CFC1: variants seen among roughly 807,000 people sequenced by gnomAD.
CFC1 encodes the protein cryptic protein.
For synonymous variants in CFC1, 8 were observed against 50.7 expected, an observed-to-expected ratio of 0.16 and a Z score of 3.58; for missense variants, 14 against 120.0, an observed-to-expected ratio of 0.12 and a Z score of 4.13.
chr2:130,598,443 T>C (rs1208592856), intron 3 of CFC1, among the ~76,000 whole-genome samples, 199 bp downstream of exon 3: 1 of 150,714 alleles, frequency 6.6e-6, no homozygotes, highest in African/African-American at 2.5e-5. Context: ...GTTTTACCAA[T>C]GAAAGAGTAA....
intron 5 of CFC1, among the ~76,000 whole-genome samples, chr2:130,594,277 C>T (rs1374990869): frequency 1.3e-5 from 2 of 148,150 alleles, no homozygotes; most frequent in Non-Finnish European, 2.9e-5. Context: ...TGCCAGAATC[C>T]CCAAACAGGA....
At chr2:130,594,445 G>A (rs1285373057) in intron 5 of CFC1, among the ~76,000 whole-genome samples, 1 of 141,364 alleles carries the variant, frequency 7.1e-6, no homozygotes, top group Non-Finnish European at 1.5e-5. Flanking sequence ...GACACAGGGT[G>A]TATGCTTACA....
At chr2:130,595,777 T>C (rs1446148540) in intron 5 of CFC1, among the ~76,000 whole-genome samples, 1 of 150,324 alleles carries the variant, frequency 6.7e-6, no homozygotes, top group African/African-American at 2.5e-5. Context: ...AGGTAAAGAA[T>C]CAGACCCTGT....
chr2:130,595,804 T>C (rs1247079995), intron 5 of CFC1, among the ~76,000 whole-genome samples: 1 of 147,898 alleles, frequency 6.8e-6, no homozygotes. Flanking sequence ...TCTGTAGGAG[T>C]TGATCTCTCT....
At position 130,592,179 on chromosome 2, in the gene CFC1, A is replaced by G. The variant is rs1300098657; in HGVS notation, c.*698T>C. The G allele has an allele frequency of 2.7e-5, 4 of 148,296 alleles. No individual in the cohort carries two copies. The highest frequency in any genetic ancestry group is 6.6e-5 in the Admixed American group (1 of 15,186). 9.2% of individuals were successfully genotyped at this position (148,296 alleles called of 1,614,324 possible). A position where few individuals can be genotyped will look rare whatever the true frequency, so the allele number is the denominator to read the frequency against. On this transcript the variant is annotated 3_prime_UTR_variant, in exon 6 of 6. Transcript: ENST00000259216. ...CAAGCCAGCCCTCTAATGAAGTTCT[A>G]CTTTATTTTTCTTTAATACTCATTT...
intron 5 of CFC1, among the ~76,000 whole-genome samples, chr2:130,594,562 T>C (rs2105171957): frequency 7.5e-6 from 1 of 132,522 alleles, no homozygotes; most frequent in South Asian, 2.4e-4. Context: ...TGTTGGTTGG[T>C]TGGTGGGTTT....
At chr2:130,595,713 G>C (rs551497907) in intron 5 of CFC1, among the ~76,000 whole-genome samples, 2 of 151,040 alleles carry the variant, frequency 1.3e-5, no homozygotes, top group Non-Finnish European at 2.9e-5. Context: ...ACCCCAGCCC[G>C]GGCGACAGAG....
intron 5 of CFC1, among the ~76,000 whole-genome samples, chr2:130,594,027 C>G (rs1684895810): frequency 7.0e-6 from 1 of 143,666 alleles, no homozygotes; most frequent in Non-Finnish European, 1.5e-5. Flanking sequence ...TGCCCCCTGA[C>G]CAGGCCTGCC....
intron 5 of CFC1, among the ~76,000 whole-genome samples, chr2:130,594,491 C>A (rs1276831130): frequency 7.2e-6 from 1 of 138,132 alleles, no homozygotes; most frequent in Non-Finnish European, 1.5e-5. Context: ...CCTGTGAGAG[C>A]CATTCCAATG....
At chr2:130,594,096 T>C (rs1364095938) in intron 5 of CFC1, among the ~76,000 whole-genome samples, 1 of 151,442 alleles carries the variant, frequency 6.6e-6, no homozygotes, top group Non-Finnish European at 1.5e-5. Flanking sequence ...GGCATGAGCA[T>C]GAAACTGGAA....
At chr2:130,594,537 G>A (rs1444781731) in intron 5 of CFC1, among the ~76,000 whole-genome samples, 23 of 134,408 alleles carry the variant, frequency 1.7e-4, no homozygotes, top group Middle Eastern at 3.6e-3. Context: ...TCTGGCCCAC[G>A]GATGTTTGTT....
chr2:130,595,793 A>G (rs1485535007), intron 5 of CFC1, among the ~76,000 whole-genome samples: 1 of 149,578 alleles, frequency 6.7e-6, no homozygotes, highest in South Asian at 2.1e-4. Context: ...CCTGTTTACT[A>G]TCTGTAGGAG....
intron 5 of CFC1, among the ~76,000 whole-genome samples, chr2:130,594,059 G>A (rs1469956347): frequency 6.7e-6 from 1 of 149,320 alleles, no homozygotes; most frequent in African/African-American, 2.5e-5. Context: ...TATACCTCCA[G>A]GAGATGTCCT....
chr2:130,598,444 G>C (rs1685003350), intron 3 of CFC1, among the ~76,000 whole-genome samples, 198 bp downstream of exon 3: 1 of 150,728 alleles, frequency 6.6e-6, no homozygotes, highest in Admixed American at 6.6e-5. Context: ...TTTTACCAAT[G>C]AAAGAGTAAA....
At chr2:130,599,062 A>C in intron 1 of CFC1, 103 bp from the exon 2 acceptor site, 5 of 245,468 alleles carry the variant, frequency 2.0e-5, no homozygotes, top group Non-Finnish European at 3.1e-5. Flanking sequence ...ATATATAAAT[A>C]TAAAATTATG....
rs1375722956 is a variant in CFC1, at chr2:130,592,331, T to A, written c.*546A>T. On this transcript the variant is annotated 3_prime_UTR_variant, in exon 6 of 6. Coordinates refer to ENST00000259216, the MANE Select transcript of CFC1 (RefSeq NM_032545.4). ...ACAGGCTCATGAACTACAGTGGATTTAAAAAGCTGAAGAGCTCAATGCAAG... is the reference window on the plus strand; with the variant it reads ...ACAGGCTCATGAACTACAGTGGATTAAAAAAGCTGAAGAGCTCAATGCAAG... 9.8e-6 allele frequency: 2 copies of A among 205,046 alleles called. No individual in the cohort carries two copies. Among genetic ancestry groups the A allele is most frequent in the Non-Finnish European group, 2.0e-5 (2 of 101,448 alleles). The allele number at this position is 205,046 out of a possible 1,614,324, so 12.7% of individuals were successfully genotyped here.
chr2:130,594,292 T>C (rs1324134230), intron 5 of CFC1, among the ~76,000 whole-genome samples: 1 of 147,986 alleles, frequency 6.8e-6, no homozygotes, highest in African/African-American at 2.7e-5. Context: ...ACAGGAATGC[T>C]AACGTCTAGG....
chr2:130,599,066 A>C, intron 1 of CFC1, 107 bp from the exon 2 acceptor site: 2 of 207,740 alleles, frequency 9.6e-6, no homozygotes, highest in Non-Finnish European at 7.4e-6. Flanking sequence ...ATAAATATAA[A>C]ATTATGTAAA....
At chr2:130,599,001 T>C in intron 1 of CFC1, 42 bp from the exon 2 acceptor site, 1 of 589,744 alleles carries the variant, frequency 1.7e-6, no homozygotes, top group Non-Finnish European at 2.8e-6. Context: ...AAAGTATCTT[T>C]AGAAGTATAA....
Sources: gnomAD v4.1 joint callset for allele counts (sites outside exome capture counted in the v4.1 genomes callset) on GRCh38, gnomAD v4.1.1 for gene constraint, MANE v1.5 for transcripts, NCBI Gene and HGNC (gene_info 2026-07-23, HGNC 2026-07-21) for gene names.